PIK3C2G: variants seen among roughly 807,000 people sequenced by gnomAD.
The protein encoded by PIK3C2G is phosphatidylinositol 3-kinase C2 domain-containing subunit gamma.
Under a neutral mutation model 181.1 loss-of-function variants are expected in PIK3C2G, and 168 were observed. The ratio of observed to expected loss-of-function variants is 0.93; its 90% confidence interval spans 0.82 to 1.05. The LOEUF (loss-of-function observed/expected upper bound fraction) is 1.05. Ranked by LOEUF, PIK3C2G falls within the 50% of genes least tolerant of loss-of-function variation. The pLI, the probability that PIK3C2G is intolerant of heterozygous loss-of-function variation, is 0.00. For synonymous variants in PIK3C2G, 573 were observed against 592.2 expected (o/e 0.97, Z 0.47); for missense variants, 1,869 against 1,732.8 (o/e 1.08, Z -1.40).
intron 22 of PIK3C2G, among the ~76,000 whole-genome samples, chr12:18,502,214 G>A (rs1478321938): frequency 6.6e-6 from 1 of 152,152 alleles, no homozygotes; most frequent in African/African-American, 2.4e-5. Flanking sequence ...GATATTAAGA[G>A]AAATTAAGGC....
intron 24 of PIK3C2G, among the ~76,000 whole-genome samples, chr12:18,510,353 T>C (rs2136138533): frequency 6.6e-6 from 1 of 152,344 alleles, no homozygotes; most frequent in East Asian, 1.9e-4. Flanking sequence ...AATTCCACTG[T>C]AACAATGATT....
At chr12:18,296,510 G>T (rs10841011) in intron 5 of PIK3C2G, among the ~76,000 whole-genome samples, 1 of 151,766 alleles carries the variant, frequency 6.6e-6, no homozygotes, top group Non-Finnish European at 1.5e-5. Context: ...AGAACAGTAC[G>T]TGGTATAAAA....
intron 32 of PIK3C2G, among the ~76,000 whole-genome samples, chr12:18,642,786 C>CTGTG (rs56095750): frequency 0.24 from 33,595 of 142,878 alleles, 3,975 homozygotes; most frequent in East Asian, 0.37. Flanking sequence ...ATAAGTGACA[C>CTGTG]TGTGTGTGTG....
intron 10 of PIK3C2G, 106 bp downstream of exon 10, chr12:18,343,466 A>AAC (rs61320852): frequency 0.11 from 51,727 of 492,260 alleles, 2,521 homozygotes; most frequent in African/African-American, 0.23. Context: ...GGTAACACAC[A>AAC]ACACACACAC....
intron 1 of PIK3C2G, among the ~76,000 whole-genome samples, chr12:18,278,794 C>T (rs1357140182): frequency 6.6e-6 from 1 of 151,964 alleles, no homozygotes; most frequent in East Asian, 1.9e-4. Context: ...TGTTTATAAA[C>T]TAAGAAATAC....
intron 12 of PIK3C2G, 195 bp downstream of exon 12, chr12:18,363,081 C>A: frequency 2.3e-6 from 1 of 436,634 alleles, no homozygotes; most frequent in Non-Finnish European, 4.0e-6. Context: ...ATTTAGAAAC[C>A]TAGACAAGTG....
chr12:18,273,966 AC>A (rs1948861844), intron 1 of PIK3C2G, among the ~76,000 whole-genome samples: 2 of 152,134 alleles, frequency 1.3e-5, no homozygotes, highest in Admixed American at 1.3e-4. Flanking sequence ...AAGAAAAAAA[AC>A]AACCCCATCA....
chr12:18,290,888 T>C lies in PIK3C2G; in HGVS notation c.795T>C (p.Asn265=). The part of the protein sequence containing the change: ...IRERYHAADV[N]FNSGKIWSTT... ...AAAGATATCATGCAGCTGATGTTAA[T>C]TTCAATTCTGGGAAGATCTGGAGCA... Residue 265 remains asparagine, a synonymous_variant, in exon 4 of 33, where the codon AAT becomes AAC. Coordinates refer to ENST00000538779, the MANE Select transcript of PIK3C2G (RefSeq NM_001288772.2). 2 of 1,606,186 alleles carry C rather than the reference T, an allele frequency of 1.2e-6. No individual in the cohort carries two copies. The highest frequency in any genetic ancestry group is 1.7e-6 in the Non-Finnish European group (2 of 1,173,222).
At chr12:18,390,389 A>G (rs1943460283) in intron 14 of PIK3C2G, among the ~76,000 whole-genome samples, 1 of 152,116 alleles carries the variant, frequency 6.6e-6, no homozygotes, top group African/African-American at 2.4e-5. Flanking sequence ...AAGCAAACCT[A>G]TGGAGCCCTA....
At chr12:18,595,138 A>G (rs760758394) in intron 30 of PIK3C2G, among the ~76,000 whole-genome samples, 2 of 152,102 alleles carry the variant, frequency 1.3e-5, no homozygotes, top group African/African-American at 2.4e-5. Context: ...CTAGCACAAT[A>G]TGCAAACTAA....
At chr12:18,614,246 T>A (rs1470345969) in intron 31 of PIK3C2G, among the ~76,000 whole-genome samples, 3 of 152,110 alleles carry the variant, frequency 2.0e-5, no homozygotes, top group Admixed American at 6.6e-5. Flanking sequence ...AAGAATAAGA[T>A]ACAAAGCAAA....
chr12:18,596,771 G>T (rs1288454995), intron 30 of PIK3C2G, among the ~76,000 whole-genome samples: 1 of 152,002 alleles, frequency 6.6e-6, no homozygotes, highest in African/African-American at 2.4e-5. Flanking sequence ...TACATGCCAG[G>T]GTCTCACTAG....
At chr12:18,367,378 T>C (rs920713106) in intron 12 of PIK3C2G, among the ~76,000 whole-genome samples, 11 of 152,138 alleles carry the variant, frequency 7.2e-5, no homozygotes, top group Non-Finnish European at 4.4e-5. Flanking sequence ...AATATCTAGG[T>C]ATCCAATTTA....
At chr12:18,300,614 A>C (rs1163807846) in intron 5 of PIK3C2G, among the ~76,000 whole-genome samples, 1 of 152,098 alleles carries the variant, frequency 6.6e-6, no homozygotes, top group Non-Finnish European at 1.5e-5. Context: ...CTTTATATTC[A>C]AGGTTATAAT....
At chr12:18,400,775 T>C (rs1944207290) in intron 16 of PIK3C2G, among the ~76,000 whole-genome samples, 1 of 152,102 alleles carries the variant, frequency 6.6e-6, no homozygotes, top group South Asian at 2.1e-4. Context: ...GAAATTTACA[T>C]ACTATTTTTG....
intron 11 of PIK3C2G, among the ~76,000 whole-genome samples, chr12:18,361,861 AC>A (rs764922535): frequency 1.4e-4 from 22 of 152,302 alleles, no homozygotes; most frequent in African/African-American, 5.1e-4. Context: ...GAAGTGTTGG[AC>A]ATATGCTCCT....
chr12:18,593,243 G>A (rs1045892749), intron 29 of PIK3C2G, among the ~76,000 whole-genome samples: 1 of 151,916 alleles, frequency 6.6e-6, no homozygotes, highest in Non-Finnish European at 1.5e-5. Context: ...ATGTCCTGGA[G>A]TACTGGTTAT....
chr12:18,537,046 T>G (rs901345324), intron 24 of PIK3C2G, among the ~76,000 whole-genome samples: 3 of 152,014 alleles, frequency 2.0e-5, no homozygotes, highest in African/African-American at 4.8e-5. Context: ...TTTTAAAGAT[T>G]TTGCCTGCAA....
the PIK3C2G span, chr12:18,699,646 A>G: frequency 1.2e-6 from 1 of 805,462 alleles, no homozygotes; most frequent in East Asian, 2.7e-5. Context: ...ATGAGACCTG[A>G]GGTATGTAAC....
Sources: gnomAD v4.1 joint callset for allele counts (sites outside exome capture counted in the v4.1 genomes callset) on GRCh38, gnomAD v4.1.1 for gene constraint, MANE v1.5 for transcripts, NCBI Gene and HGNC (gene_info 2026-07-23, HGNC 2026-07-21) for gene names.